Variants in CCDC178 observed in about 807,000 individuals in gnomAD.
CCDC178 encodes coiled-coil domain-containing protein 178.
Under a neutral mutation model 117.4 loss-of-function variants are expected in CCDC178, and 126 were observed. The ratio of observed to expected loss-of-function variants is 1.07; its 90% CI spans 0.93 to 1.24. CCDC178 has a LOEUF of 1.24. Ranked by LOEUF, CCDC178 falls within the 50% of genes most tolerant of loss-of-function variation. CCDC178 has a pLI of 0.00. For missense variants in CCDC178, 1,030 were observed against 986.9 expected (o/e 1.04, Z -0.59); for synonymous variants, 283 against 313.4 (o/e 0.90, Z 1.02).
At position 33,212,050 on chromosome 18, in the gene CCDC178, T is replaced by C; in HGVS notation, c.2084A>G (p.Lys695Arg). The change falls in exon 20 of 23, where the codon AAA (lysine) becomes AGA (arginine). Residue 695 changes from lysine to arginine, a missense_variant. Lys to Arg is a conservative substitution (Grantham distance 26, BLOSUM62 2). Coordinates refer to ENST00000383096, the MANE Select transcript of CCDC178 (RefSeq NM_001105528.4). ...FDQTLEILKN[K>R]FITMRFKREH... ...CCTTTTAAATCTCATAGTTATAAAT[T>C]TGTTCCTGTGAAGAAAGAATTCCAT... The C allele has an allele frequency of 6.4e-7, 1 of 1,571,170 alleles. No individual in the cohort carries two copies. The highest frequency in any genetic ancestry group is 8.6e-7 in the Non-Finnish European group (1 of 1,164,076).
intron 15 of CCDC178, among the ~76,000 whole-genome samples, chr18:33,231,956 G>T (rs1426322714): frequency 6.6e-6 from 1 of 152,130 alleles, no homozygotes; most frequent in East Asian, 1.9e-4. Context: ...CTATTCCTGT[G>T]TTCTTTAGAA....
intron 21 of CCDC178, among the ~76,000 whole-genome samples, chr18:33,017,412 G>C (rs753180684): frequency 2.6e-5 from 4 of 151,848 alleles, no homozygotes; most frequent in Non-Finnish European, 5.9e-5. Flanking sequence ...TGGTCTAAAA[G>C]TATGAATACT....
rs2063471690 is a variant in CCDC178, at chr18:33,384,403, C to A, written c.208+5137G>T. Among the ~76,000 whole-genome samples, 3 of 152,112 alleles carry A rather than the reference C, an allele frequency of 2.0e-5. No individual in the cohort carries two copies. The South Asian group carries it at 6.2e-4, about 32-fold the overall frequency. ...TCTGAGAAGATTTATCCCCAAGACACATAATCATCAGATTCTCCAAGGTCA... is the reference window on the plus strand; with the variant it reads ...TCTGAGAAGATTTATCCCCAAGACAAATAATCATCAGATTCTCCAAGGTCA... On this transcript the variant is annotated intron_variant, in intron 5 of 22. Transcript: ENST00000383096.
chr18:33,237,887 C>G (rs2059444498), intron 15 of CCDC178, among the ~76,000 whole-genome samples: 1 of 152,174 alleles, frequency 6.6e-6, no homozygotes, highest in African/African-American at 2.4e-5. Context: ...CCTGTGGCCT[C>G]AACCCCAGTG....
intron 20 of CCDC178, among the ~76,000 whole-genome samples, chr18:33,208,760 TG>T (rs1371709615): frequency 6.6e-6 from 1 of 152,034 alleles, no homozygotes; most frequent in Non-Finnish European, 1.5e-5. Flanking sequence ...CACATGAAAG[TG>T]TCAAAAATAA....
intron 12 of CCDC178, among the ~76,000 whole-genome samples, chr18:33,272,022 C>G (rs781371596): frequency 6.6e-6 from 1 of 151,096 alleles, no homozygotes; most frequent in African/African-American, 2.4e-5. Flanking sequence ...TAACTAAACC[C>G]AAAGCAAGTA....
chr18:32,995,693 G>T (rs765231920), intron 21 of CCDC178, among the ~76,000 whole-genome samples: 7 of 151,916 alleles, frequency 4.6e-5, no homozygotes, highest in Admixed American at 2.0e-4. Context: ...AACTGAGAAG[G>T]TACTATTAGA....
chr18:33,061,592 C>G (rs1001535756), intron 21 of CCDC178, among the ~76,000 whole-genome samples: 1 of 151,928 alleles, frequency 6.6e-6, no homozygotes, highest in Non-Finnish European at 1.5e-5. Flanking sequence ...CAAATATTAA[C>G]TACTAAATCT....
intron 9 of CCDC178, 137 bp downstream of exon 9, chr18:33,346,074 T>A: frequency 1.7e-6 from 1 of 576,400 alleles, no homozygotes. Flanking sequence ...GTGATCCGCA[T>A]CCCCAGCCTC....
chr18:33,077,346 C>T (rs271522), intron 21 of CCDC178, among the ~76,000 whole-genome samples: 14,030 of 152,056 alleles, frequency 0.092, 906 homozygotes, highest in African/African-American at 0.18. Flanking sequence ...ATCCCAATTG[C>T]ATATGTTGAA....
At chr18:33,232,479 AG>A (rs1281116433) in intron 15 of CCDC178, among the ~76,000 whole-genome samples, 2 of 152,194 alleles carry the variant, frequency 1.3e-5, no homozygotes, top group Non-Finnish European at 2.9e-5. Context: ...GATACTCTAA[AG>A]AATTACAATC....
intron 22 of CCDC178, among the ~76,000 whole-genome samples, chr18:32,942,583 G>C (rs535263183): frequency 1.3e-5 from 2 of 152,196 alleles, no homozygotes; most frequent in East Asian, 3.9e-4. Flanking sequence ...AGAATGTTAA[G>C]TCATCTGTGT....
At chr18:33,044,824 T>C (rs1427296687) in intron 21 of CCDC178, among the ~76,000 whole-genome samples, 3 of 152,196 alleles carry the variant, frequency 2.0e-5, no homozygotes, top group African/African-American at 7.2e-5. Flanking sequence ...ATACTACTGA[T>C]GGACTACTAC....
chr18:33,076,873 G>A (rs1255156731), intron 21 of CCDC178, among the ~76,000 whole-genome samples: 1 of 152,080 alleles, frequency 6.6e-6, no homozygotes, highest in African/African-American at 2.4e-5. Flanking sequence ...CTTCATCTTT[G>A]TGTCTGTAGC....
intron 12 of CCDC178, among the ~76,000 whole-genome samples, chr18:33,278,539 T>C (rs567850856): frequency 2.0e-5 from 3 of 152,102 alleles, no homozygotes; most frequent in South Asian, 2.1e-4. Context: ...CATTTATATA[T>C]GGAATCAAAT....
At chr18:33,386,326 A>G (rs1345652856) in intron 5 of CCDC178, among the ~76,000 whole-genome samples, 1 of 152,176 alleles carries the variant, frequency 6.6e-6, no homozygotes, top group Non-Finnish European at 1.5e-5. Flanking sequence ...AAACAATTGA[A>G]AAGGAGGGAC....
At chr18:33,030,378 G>A (rs955032160) in intron 21 of CCDC178, among the ~76,000 whole-genome samples, 2 of 151,962 alleles carry the variant, frequency 1.3e-5, no homozygotes, top group Admixed American at 6.6e-5. Context: ...ATACGTAGGA[G>A]TATGTAGTTG....
At chr18:33,153,758 C>T (rs1039677760) in intron 20 of CCDC178, among the ~76,000 whole-genome samples, 3 of 151,764 alleles carry the variant, frequency 2.0e-5, no homozygotes, top group African/African-American at 7.3e-5. Context: ...AATAATTATA[C>T]TTTTGAAGAG....
chr18:33,403,010 A>T (rs929610322), intron 3 of CCDC178, among the ~76,000 whole-genome samples: 4 of 152,220 alleles, frequency 2.6e-5, no homozygotes, highest in Middle Eastern at 3.2e-3. Flanking sequence ...GAACTAGTGC[A>T]ATAGACAATT....
Sources: gnomAD v4.1 joint callset for allele counts (sites outside exome capture counted in the v4.1 genomes callset) on GRCh38, gnomAD v4.1.1 for gene constraint, MANE v1.5 for transcripts, NCBI Gene and HGNC (gene_info 2026-07-23, HGNC 2026-07-21) for gene names.